The following KLHL13 variants were observed in gnomAD, a reference collection of about 807,000 sequenced individuals.
The protein encoded by KLHL13 is kelch-like protein 13.
KLHL13 carries 10 observed loss-of-function variants against 37.1 expected under a neutral mutation model. The ratio of observed to expected loss-of-function variants is 0.27; its 90% CI spans 0.17 to 0.46. The LOEUF is 0.46. Ranked by LOEUF, KLHL13 falls within the 20% of genes least tolerant of loss-of-function variation. The pLI is 1.00. For missense variants in KLHL13, 360 were observed against 509.3 expected (o/e 0.71, Z 2.82); for synonymous variants, 163 against 181.2 (o/e 0.90, Z 0.81).
At chrX:117,962,799 C>T (rs1322459873) in intron 1 of KLHL13, among the ~76,000 whole-genome samples, 1 of 111,810 alleles carries the variant, frequency 8.9e-6, no homozygotes, top group Admixed American at 9.5e-5. Context: ...TTTGAAATCA[C>T]GTGGCCCTAA....
chrX:118,002,969 C>T (rs968050074), intron 1 of KLHL13, among the ~76,000 whole-genome samples: 2 of 112,146 alleles, frequency 1.8e-5, no homozygotes, highest in African/African-American at 6.5e-5. Context: ...GGTAATCGCA[C>T]ACTACCACAG....
chrX:118,068,658 C>G (rs867006417), intron 1 of KLHL13, among the ~76,000 whole-genome samples: 18 of 111,333 alleles, frequency 1.6e-4, no homozygotes, highest in South Asian at 3.9e-4. Context: ...CAAAGCTGTG[C>G]TCCCCCCACA....
intron 1 of KLHL13, among the ~76,000 whole-genome samples, chrX:117,991,240 T>C (rs924525370): frequency 5.1e-4 from 56 of 109,805 alleles, no homozygotes; most frequent in Non-Finnish European, 9.5e-5. Flanking sequence ...TGCTAGTTGG[T>C]AATACAAAAG....
At chrX:118,072,766 C>T (rs2054884779) in intron 1 of KLHL13, among the ~76,000 whole-genome samples, 1 of 111,990 alleles carries the variant, frequency 8.9e-6, no homozygotes, top group Admixed American at 9.5e-5. Context: ...ATTGTTTTCT[C>T]TTCCTGATGA....
intron 5 of KLHL13, among the ~76,000 whole-genome samples, chrX:117,908,435 T>G (rs996061696): frequency 9.2e-6 from 1 of 108,365 alleles, no homozygotes; most frequent in Non-Finnish European, 1.9e-5. Flanking sequence ...GATGTTCCCC[T>G]CCCTGTGACA....
chrX:117,916,052 G>GGAGGCT (rs951316668), intron 4 of KLHL13, among the ~76,000 whole-genome samples: 3 of 111,437 alleles, frequency 2.7e-5, no homozygotes, highest in African/African-American at 9.8e-5. Flanking sequence ...CAGCTACTCG[G>GGAGGCT]GAGGCTGAGG....
At chrX:117,946,854 T>C (rs1400416461) in intron 1 of KLHL13, 1 of 112,228 alleles carries the variant, frequency 8.9e-6, no homozygotes. Context: ...TTCTGCTTTT[T>C]GAATTATGAC....
At chrX:118,069,569 T>C (rs1220806258) in intron 1 of KLHL13, among the ~76,000 whole-genome samples, 1 of 110,603 alleles carries the variant, frequency 9.0e-6, no homozygotes. Context: ...ATATTAATTC[T>C]TCCAGTTCAT....
intron 1 of KLHL13, among the ~76,000 whole-genome samples, chrX:118,054,347 TAATAA>T (rs757164193): frequency 1.2e-3 from 133 of 111,597 alleles, no homozygotes; most frequent in African/African-American, 3.9e-3. Flanking sequence ...ATCTCTAATA[TAATAA>T]AATATTATTA....
At chrX:118,001,506 G>C (rs1238235677) in intron 1 of KLHL13, among the ~76,000 whole-genome samples, 1 of 111,555 alleles carries the variant, frequency 9.0e-6, no homozygotes, top group Non-Finnish European at 1.9e-5. Context: ...TAATGCAATT[G>C]AATGAACATG....
At chrX:117,915,596 CTT>C (rs1323897633) in intron 4 of KLHL13, among the ~76,000 whole-genome samples, 2 of 112,183 alleles carry the variant, frequency 1.8e-5, no homozygotes, top group African/African-American at 3.2e-5. Context: ...ATCTCATTCT[CTT>C]GTTAAAAAAT....
At chrX:118,092,539 T>C (rs2055149173) in intron 1 of KLHL13, among the ~76,000 whole-genome samples, 1 of 111,818 alleles carries the variant, frequency 8.9e-6, no homozygotes, top group African/African-American at 3.2e-5. Context: ...ATACCTACCC[T>C]ATTAGTTAAA....
intron 1 of KLHL13, among the ~76,000 whole-genome samples, chrX:117,968,850 T>G (rs900372622): frequency 9.9e-5 from 11 of 111,553 alleles, no homozygotes. Context: ...AATTCATATT[T>G]TTATTATGTC....
intron 4 of KLHL13, among the ~76,000 whole-genome samples, chrX:117,918,589 C>T (rs1487937232): frequency 9.0e-6 from 1 of 111,561 alleles, no homozygotes; most frequent in South Asian, 3.8e-4. Flanking sequence ...ATATTTCTGT[C>T]CAATGTAGCC....
chrX:117,936,912 C>G (rs1008143757), intron 2 of KLHL13, among the ~76,000 whole-genome samples: 15 of 112,000 alleles, frequency 1.3e-4, no homozygotes, highest in Non-Finnish European at 1.1e-4. Flanking sequence ...AAAGCTGGGC[C>G]AGAGAGTATA....
chrX:117,939,052 T>C (rs1294243736), intron 2 of KLHL13, among the ~76,000 whole-genome samples: 2 of 110,320 alleles, frequency 1.8e-5, no homozygotes, highest in Non-Finnish European at 3.8e-5. Context: ...CAACCCATCA[T>C]CTACATTAGG....
At chrX:117,925,861 T>C (rs755978206) in intron 2 of KLHL13, among the ~76,000 whole-genome samples, 65 of 111,390 alleles carry the variant, frequency 5.8e-4, no homozygotes, top group Non-Finnish European at 1.1e-3. Flanking sequence ...TCCTTTGTTG[T>C]TGTTGTTTTG....
chrX:118,052,793 C>A (rs1454565415), intron 1 of KLHL13, among the ~76,000 whole-genome samples: 3 of 108,987 alleles, frequency 2.8e-5, no homozygotes, highest in Admixed American at 9.8e-5. Context: ...TACCACTGCA[C>A]GCCAGTCAGG....
At chrX:118,066,743 G>C (rs1463683469) in intron 1 of KLHL13, among the ~76,000 whole-genome samples, 1 of 111,341 alleles carries the variant, frequency 9.0e-6, no homozygotes, top group Non-Finnish European at 1.9e-5. Context: ...CACATCTGAT[G>C]AAAGATTTAC....
Sources: allele counts gnomAD v4.1 joint callset (sites outside exome capture counted in the v4.1 genomes callset), GRCh38; gene constraint gnomAD v4.1.1; transcripts MANE v1.5; gene names NCBI Gene and HGNC (gene_info 2026-07-23, HGNC 2026-07-21).